Variants in ASTN1 observed in about 807,000 individuals in gnomAD.
ASTN1 encodes astrotactin-1.
Under a neutral mutation model 140.7 loss-of-function variants are expected in ASTN1, and 41 were observed. That is an observed-to-expected ratio of 0.29 (90% CI 0.23 to 0.38). The LOEUF is 0.38. Among genes scored for constraint, ASTN1 ranks in the 10% least tolerant of loss-of-function variants. The probability of loss-of-function intolerance (pLI) is 1.00; values close to 1 mark genes in which losing one functional copy is unlikely to be tolerated. For synonymous variants in ASTN1, 640 were observed against 652.2 expected, an observed-to-expected ratio of 0.98 and a Z score of 0.29; for missense variants, 1,479 against 1,678.8, an observed-to-expected ratio of 0.88 and a Z score of 2.08.
At chr1:177,055,945 C>T (rs1677780060) in intron 2 of ASTN1, among the ~76,000 whole-genome samples, 1 of 152,188 alleles carries the variant, frequency 6.6e-6, no homozygotes, top group Non-Finnish European at 1.5e-5. Context: ...TAATAAGAAC[C>T]TAATAGTGTT....
intron 1 of ASTN1, among the ~76,000 whole-genome samples, chr1:177,078,842 A>G (rs780670812): frequency 3.3e-5 from 5 of 152,228 alleles, no homozygotes; most frequent in Non-Finnish European, 7.3e-5. Flanking sequence ...ACAGTCAGCA[A>G]TAATGAGGAA....
At chr1:177,151,650 A>C (rs1195122695) in intron 1 of ASTN1, among the ~76,000 whole-genome samples, 1 of 152,190 alleles carries the variant, frequency 6.6e-6, no homozygotes, top group African/African-American at 2.4e-5. Flanking sequence ...CTGAGAGAGA[A>C]TAAGCTTTTC....
intron 3 of ASTN1, among the ~76,000 whole-genome samples, chr1:177,032,226 G>A (rs961511279): frequency 6.6e-6 from 1 of 152,176 alleles, no homozygotes; most frequent in Admixed American, 6.5e-5. Context: ...TGCTTCCAGT[G>A]CCTGGTGGAA....
chr1:176,960,063 A>T (rs1228599980), intron 9 of ASTN1, among the ~76,000 whole-genome samples: 1 of 152,030 alleles, frequency 6.6e-6, no homozygotes, highest in Non-Finnish European at 1.5e-5. Context: ...AAACACAAAC[A>T]CACAGTTACA....
At chr1:177,059,467 C>T (rs781698221) in intron 2 of ASTN1, among the ~76,000 whole-genome samples, 14 of 152,142 alleles carry the variant, frequency 9.2e-5, no homozygotes, top group Admixed American at 2.0e-4. Flanking sequence ...TGCTATAAAC[C>T]TTGATTAATT....
At chr1:176,949,124 T>C in intron 12 of ASTN1, 61 bp downstream of exon 12, 1 of 1,596,174 alleles carries the variant, frequency 6.3e-7, no homozygotes, top group Middle Eastern at 1.9e-4. Context: ...GATTTAGCAT[T>C]GAAAGTCCTG....
At chr1:177,030,655 G>T in intron 4 of ASTN1, 151 bp downstream of exon 4, 2 of 1,013,612 alleles carry the variant, frequency 2.0e-6, no homozygotes, top group Non-Finnish European at 2.8e-6. Flanking sequence ...ACATTTTTTT[G>T]GTAAGTAGCA....
At chr1:176,988,948 C>A (rs547322051) in intron 8 of ASTN1, among the ~76,000 whole-genome samples, 5 of 152,274 alleles carry the variant, frequency 3.3e-5, no homozygotes, top group Admixed American at 2.0e-4. Flanking sequence ...CTGCAATTGT[C>A]ACCCATTTGT....
chr1:177,056,351 C>T (rs73047030), intron 2 of ASTN1, among the ~76,000 whole-genome samples: 1,648 of 152,180 alleles, frequency 0.011, 45 homozygotes, highest in African/African-American at 0.038. Context: ...ACCTTGGGTT[C>T]ACCTGGAGAT....
chr1:177,018,026 G>A (rs1374527352), intron 7 of ASTN1, among the ~76,000 whole-genome samples: 1 of 152,186 alleles, frequency 6.6e-6, no homozygotes, highest in Non-Finnish European at 1.5e-5. Context: ...GCTTCAGGAA[G>A]GGGTTGGCTT....
chr1:177,041,070 G>C (rs1410031778), intron 2 of ASTN1, among the ~76,000 whole-genome samples: 1 of 152,130 alleles, frequency 6.6e-6, no homozygotes, highest in Non-Finnish European at 1.5e-5. Context: ...TTGCCTTAAC[G>C]AGAATGTTAA....
At chr1:176,986,434 G>T (rs1673909207) in intron 8 of ASTN1, among the ~76,000 whole-genome samples, 1 of 152,138 alleles carries the variant, frequency 6.6e-6, no homozygotes, top group Admixed American at 6.6e-5. Context: ...GAGGGTAGTT[G>T]GATGTAACAC....
At chr1:176,959,152 G>A (rs979358899) in intron 9 of ASTN1, among the ~76,000 whole-genome samples, 8 of 152,166 alleles carry the variant, frequency 5.3e-5, no homozygotes, top group Middle Eastern at 3.4e-3. Context: ...AGAATCAATC[G>A]GCATTTCAAG....
At chr1:176,988,027 G>A (rs1673986749) in intron 8 of ASTN1, among the ~76,000 whole-genome samples, 1 of 152,120 alleles carries the variant, frequency 6.6e-6, no homozygotes, top group African/African-American at 2.4e-5. Context: ...CAAGAATGAT[G>A]GGAGTTAGAG....
intron 1 of ASTN1, among the ~76,000 whole-genome samples, chr1:177,122,660 G>A (rs768520335): frequency 6.6e-6 from 1 of 152,134 alleles, no homozygotes; most frequent in Admixed American, 6.5e-5. Flanking sequence ...CGCGGTTTTC[G>A]CATCTGGCCA....
chr1:177,146,074 C>G (rs995092730), intron 1 of ASTN1, among the ~76,000 whole-genome samples: 1 of 151,896 alleles, frequency 6.6e-6, no homozygotes, highest in Non-Finnish European at 1.5e-5. Context: ...ACCCACTGCA[C>G]GTTAACATAA....
intron 18 of ASTN1, 107 bp downstream of exon 18, chr1:176,887,964 T>C: frequency 6.8e-7 from 1 of 1,465,746 alleles, no homozygotes; most frequent in Non-Finnish European, 9.3e-7. Context: ...GCAGGTATTG[T>C]GTCATATTTT....
At chr1:176,978,251 A>G (rs1673450048) in intron 8 of ASTN1, among the ~76,000 whole-genome samples, 1 of 152,198 alleles carries the variant, frequency 6.6e-6, no homozygotes, top group South Asian at 2.1e-4. Flanking sequence ...ACATGATGGT[A>G]CCTGAAAGCA....
intron 8 of ASTN1, among the ~76,000 whole-genome samples, chr1:177,013,928 C>G (rs1675416171): frequency 6.6e-6 from 1 of 151,966 alleles, no homozygotes; most frequent in Non-Finnish European, 1.5e-5. Flanking sequence ...TGCCAGTAAA[C>G]CCAGCACTTT....
Sources: allele counts gnomAD v4.1 joint callset (sites outside exome capture counted in the v4.1 genomes callset), GRCh38; gene constraint gnomAD v4.1.1; transcripts MANE v1.5; gene names NCBI Gene and HGNC (gene_info 2026-07-23, HGNC 2026-07-21).